OTUD7A: variants seen among roughly 807,000 people sequenced by gnomAD.
OTUD7A encodes OTU deubiquitinase 7A.
Under a neutral mutation model 65.7 loss-of-function variants are expected in OTUD7A, and 12 were observed. That is an observed-to-expected ratio of 0.18 (90% CI 0.12 to 0.30). The LOEUF (loss-of-function observed/expected upper bound fraction) is 0.30. Ranked by LOEUF, OTUD7A falls within the 10% of genes least tolerant of loss-of-function variation. The pLI is 1.00. For missense variants in OTUD7A, 1,148 were observed against 1,304.8 expected, an observed-to-expected ratio of 0.88 and a Z score of 1.85; for synonymous variants, 641 against 586.3, an observed-to-expected ratio of 1.09 and a Z score of -1.35.
rs147338011 is a variant in OTUD7A, at chr15:31,502,609, G to C, written c.1022-770C>G. On this transcript the variant is annotated intron_variant, in intron 9 of 12. Coordinates refer to ENST00000307050, the MANE Select transcript of OTUD7A (RefSeq NM_001382637.1). ...TAAATTGATCACTGTGCTCACAGGA[G>C]AGTCAGACTGAGAGGCGACAGGGTG... is the stretch of plus-strand genomic sequence containing the variant. 2.6e-5 allele frequency among the ~76,000 whole-genome samples: 4 copies of C among 152,330 alleles called. No homozygotes were observed. The East Asian group carries it at 7.7e-4, about 29-fold the overall frequency.
In OTUD7A at chr15:31,570,071, G is replaced by A. The variant is rs756026648; in HGVS notation, c.278C>T (p.Pro93Leu). Reference sequence around the variant, plus strand: ...GCAGGGTCGCTCCACCTTGTGCCCGGGCTGTGGCTCTCGCTCTGGCTGCTT... The same window carrying A: ...GCAGGGTCGCTCCACCTTGTGCCCGAGCTGTGGCTCTCGCTCTGGCTGCTT... ...GPKQPEREPQ[P>L]GHKVERPCLQ... Residue 93 changes from proline (P) to leucine (L), a missense_variant, in exon 4 of 13, where the codon CCC becomes CTC. Pro to Leu is a moderately conservative substitution (Grantham distance 98, BLOSUM62 -3). This residue lies in a region of OTUD7A where 51 missense variants were observed against 46.9 expected (regional missense o/e 1.09). Transcript: ENST00000307050. 2.5e-6 allele frequency: 4 copies of A among 1,614,170 alleles called. No homozygotes were observed. The highest frequency in any genetic ancestry group is 3.4e-6 in the Non-Finnish European group (4 of 1,180,022).
At chr15:31,798,024 T>G (rs573143541) in intron 1 of OTUD7A, among the ~76,000 whole-genome samples, 1 of 152,304 alleles carries the variant, frequency 6.6e-6, no homozygotes, top group East Asian at 1.9e-4. Flanking sequence ...CACATGGGCA[T>G]TGCTCTGTGT....
At chr15:31,725,857 C>T (rs1261730670) in intron 1 of OTUD7A, among the ~76,000 whole-genome samples, 1 of 152,138 alleles carries the variant, frequency 6.6e-6, no homozygotes, top group African/African-American at 2.4e-5. Flanking sequence ...GTAGCAAGCC[C>T]TGACTTCCCT....
At chr15:31,777,122 C>A (rs1246007612) in intron 1 of OTUD7A, among the ~76,000 whole-genome samples, 3 of 152,150 alleles carry the variant, frequency 2.0e-5, no homozygotes, top group African/African-American at 7.2e-5. Flanking sequence ...TGGGGAGTCC[C>A]AGATCAGGTG....
chr15:31,577,023 G>A (rs1448124067), intron 3 of OTUD7A, among the ~76,000 whole-genome samples: 1 of 152,092 alleles, frequency 6.6e-6, no homozygotes, highest in Non-Finnish European at 1.5e-5. Context: ...AGACTGTGTA[G>A]CAATGAGATA....
chr15:31,780,440 G>C (rs866574937), intron 1 of OTUD7A, among the ~76,000 whole-genome samples: 1 of 152,214 alleles, frequency 6.6e-6, no homozygotes. Context: ...CTCCCTGGCA[G>C]GTAGGCAGGC....
chr15:31,819,406 T>C (rs190891033), intron 1 of OTUD7A, among the ~76,000 whole-genome samples: 7 of 152,292 alleles, frequency 4.6e-5, no homozygotes, highest in Admixed American at 4.6e-4. Context: ...AGTCTAAAAT[T>C]ATCTAAAAAC....
At chr15:31,653,567 T>C (rs1328002699) in intron 3 of OTUD7A, among the ~76,000 whole-genome samples, 1 of 150,270 alleles carries the variant, frequency 6.7e-6, no homozygotes. Flanking sequence ...AAACTAGTGA[T>C]AGAAAACAGA....
At chr15:31,868,281 C>T (rs767846499) in intron 1 of OTUD7A, among the ~76,000 whole-genome samples, 47 of 152,074 alleles carry the variant, frequency 3.1e-4, no homozygotes, top group Admixed American at 7.2e-4. Flanking sequence ...GTGACCCATA[C>T]CTAAAGATTT....
chr15:31,767,954 T>C, intron 1 of OTUD7A: 3 of 1,558,450 alleles, frequency 1.9e-6, no homozygotes, highest in Non-Finnish European at 2.7e-6. Flanking sequence ...TTTGATATCT[T>C]CAATTATACG....
intron 1 of OTUD7A, among the ~76,000 whole-genome samples, chr15:31,811,900 C>T (rs1174052454): frequency 2.0e-5 from 3 of 152,226 alleles, no homozygotes; most frequent in African/African-American, 4.8e-5. Flanking sequence ...TTCACTCACT[C>T]GCTCACTCTG....
chr15:31,804,513 A>G (rs1896218142), intron 1 of OTUD7A, among the ~76,000 whole-genome samples: 1 of 152,004 alleles, frequency 6.6e-6, no homozygotes, highest in South Asian at 2.1e-4. Context: ...AGACCTCAGG[A>G]TGTAGTGCTG....
chr15:31,561,157 A>C (rs1181740259), intron 4 of OTUD7A, among the ~76,000 whole-genome samples: 1 of 152,254 alleles, frequency 6.6e-6, no homozygotes, highest in Non-Finnish European at 1.5e-5. Flanking sequence ...ATTTTGCAGA[A>C]AGGTAAAAAG....
At chr15:31,639,260 T>C (rs1478056230) in intron 3 of OTUD7A, among the ~76,000 whole-genome samples, 1 of 152,090 alleles carries the variant, frequency 6.6e-6, no homozygotes, top group South Asian at 2.1e-4. Flanking sequence ...AATTGCACAA[T>C]ATGTAGTTTT....
At chr15:31,645,641 GTT>G (rs1470687939) in intron 3 of OTUD7A, among the ~76,000 whole-genome samples, 1 of 152,150 alleles carries the variant, frequency 6.6e-6, no homozygotes, top group Non-Finnish European at 1.5e-5. Flanking sequence ...TCCAGTAAAT[GTT>G]AAGTGCTCAC....
At chr15:31,549,505 G>A (rs773699016) in intron 5 of OTUD7A, among the ~76,000 whole-genome samples, 1 of 152,170 alleles carries the variant, frequency 6.6e-6, no homozygotes, top group African/African-American at 2.4e-5. Context: ...GGTAAAGTGA[G>A]GGGATTTTGC....
intron 10 of OTUD7A, among the ~76,000 whole-genome samples, chr15:31,500,436 C>A (rs997455965): frequency 6.6e-6 from 1 of 152,244 alleles, no homozygotes; most frequent in African/African-American, 2.4e-5. Context: ...CATGTCAGCT[C>A]CTGGGAGCTC....
At chr15:31,608,974 C>CA (rs1890317271) in intron 3 of OTUD7A, among the ~76,000 whole-genome samples, 1 of 152,208 alleles carries the variant, frequency 6.6e-6, no homozygotes, top group African/African-American at 2.4e-5. Flanking sequence ...CACACACTCT[C>CA]ACTGGGGAAA....
chr15:31,546,092 GAGT>G (rs1888122067), intron 5 of OTUD7A, among the ~76,000 whole-genome samples: 1 of 152,162 alleles, frequency 6.6e-6, no homozygotes, highest in Non-Finnish European at 1.5e-5. Context: ...GGGAAAATGT[GAGT>G]AGGTTATATG....
Sources: gnomAD v4.1 joint callset for allele counts (sites outside exome capture counted in the v4.1 genomes callset) on GRCh38, gnomAD v4.1.1 for gene constraint, gnomAD v4.1.1 regional missense constraint, MANE v1.5 for transcripts, NCBI Gene and HGNC (gene_info 2026-07-23, HGNC 2026-07-21) for gene names.